TTF2: variants seen among roughly 807,000 people sequenced by gnomAD.
TTF2 encodes transcription termination factor 2.
Under a neutral mutation model 142.4 loss-of-function variants are expected in TTF2, and 108 were observed. That is an observed-to-expected ratio of 0.76 (90% CI 0.65 to 0.89). TTF2 has a LOEUF of 0.89. Ranked by LOEUF, TTF2 falls within the 40% of genes least tolerant of loss-of-function variation. The pLI, the probability that TTF2 is intolerant of heterozygous loss-of-function variation, is 0.00. For missense variants in TTF2, 1,327 were observed against 1,379.8 expected, an observed-to-expected ratio of 0.96 and a Z score of 0.61; for synonymous variants, 483 against 506.2, an observed-to-expected ratio of 0.95 and a Z score of 0.61.
Position 117,099,967 on chromosome 1 carries a change from C to G in TTF2, c.3344+1060C>G, listed in dbSNP as rs1328911136. ...ACTCCAGTAAGTCCAAAATTTGTAT[C>G]TTTAGTTCCAAGGTCTCCTAAACTT... is the stretch of plus-strand genomic sequence containing the variant. On this transcript the variant is annotated intron_variant, in intron 22 of 22. Coordinates refer to ENST00000369466, the MANE Select transcript of TTF2 (RefSeq NM_003594.4). The surrounding 1 kb of genome is among the most constrained non-coding windows in gnomAD (Gnocchi z 4.3). 2.6e-5 allele frequency among the ~76,000 whole-genome samples: 4 copies of G among 152,214 alleles called. No homozygotes were observed. Among genetic ancestry groups the G allele is most frequent in the Non-Finnish European group, 5.9e-5 (4 of 68,036 alleles).
At position 117,083,392 on chromosome 1, in the gene TTF2, A is replaced by G. The variant is rs541915536; in HGVS notation, c.1904-626A>G. On this transcript the variant is annotated intron_variant, in intron 10 of 22. Coordinates refer to ENST00000369466, the MANE Select transcript of TTF2 (RefSeq NM_003594.4). ...ACGCAGAGATGAGGGGCCATGGTAT[A>G]AACAAACCATCACTAATTGGTTCCA... Among the ~76,000 whole-genome samples the G allele has an allele frequency of 5.9e-5, 9 of 152,344 alleles. 1 individual carries two copies. The East Asian group carries it at 7.7e-4, about 13-fold the overall frequency.
chr1:117,068,149 T>C lies in TTF2; in HGVS notation c.219-5512T>C, dbSNP rs543905876. ...CTGAGCTCCTGAGTTCATATTTTCC[T>C]TTCTCTCTGTTTCTCACAGAACTTT... On this transcript the variant is annotated intron_variant, in intron 3 of 22. Transcript: ENST00000369466. Among the ~76,000 whole-genome samples the C allele has an allele frequency of 1.1e-3, 165 of 152,368 alleles. 1 individual carries two copies. The highest frequency in any genetic ancestry group is 2.0e-3 in the Non-Finnish European group (137 of 68,032).
chr1:117,060,646 C>A, intron 2 of TTF2, 89 bp downstream of exon 2: 2 of 1,343,476 alleles, frequency 1.5e-6, no homozygotes, highest in Non-Finnish European at 2.0e-6. Flanking sequence ...CGTCACAGGG[C>A]CGAGGAGTGG....
Position 117,076,801 on chromosome 1 carries a change from A to G in TTF2, c.1551A>G (p.Gly517=). ...AGTCTGCCTGCCAGGTGACTGCTGG[A>G]GGATCCAGTCAGTGCTATCGAGGTA... The part of the protein sequence containing the change: ...ELKSACQVTA[G]GSSQCYRGHT... The change falls in exon 7 of 23, where the codon GGA becomes GGG. Residue 517 remains glycine, a synonymous_variant. Transcript: ENST00000369466. The surrounding 1 kb of genome is among the most constrained non-coding windows in gnomAD (Gnocchi z 4.6). 6.2e-7 allele frequency: 1 copy of G among 1,613,624 alleles called. No homozygotes were observed. The highest frequency in any genetic ancestry group is 8.5e-7 in the Non-Finnish European group (1 of 1,179,774).
Position 117,086,293 on chromosome 1 carries a change from A to G in TTF2, c.2055-124A>G. On this transcript the variant is annotated intron_variant, in intron 11 of 22. Coordinates refer to ENST00000369466, the MANE Select transcript of TTF2 (RefSeq NM_003594.4). This position sits in a 1 kb window ranked among gnomAD's most constrained non-coding sequence, Gnocchi z 4.2. Reference sequence around the variant, plus strand: ...TGTGCGTGTGTGTGTTAAGGACACAAGTTAATGAGTTCTGCTGTTTGTCCT... The same window carrying G: ...TGTGCGTGTGTGTGTTAAGGACACAGGTTAATGAGTTCTGCTGTTTGTCCT... The G allele has an allele frequency of 1.5e-6, 1 of 649,858 alleles. No homozygotes were observed. Among genetic ancestry groups the G allele is most frequent in the Non-Finnish European group, 2.8e-6 (1 of 362,168 alleles). The allele number at this position is 649,858 out of a possible 1,614,324, so 40.3% of individuals were successfully genotyped here.
rs1648088832 is a variant in TTF2, at chr1:117,087,137, G to T, written c.2160+615G>T. Among the ~76,000 whole-genome samples the T allele has an allele frequency of 6.6e-6, 1 of 152,070 alleles. No homozygotes were observed. The highest frequency in any genetic ancestry group is 6.5e-5 in the Admixed American group (1 of 15,282). Reference sequence around the variant, plus strand: ...ATATGTTATCCTTTTAGCCCAACGGGATATTCACAGGTTTCTGTATTTGGA... The same window carrying T: ...ATATGTTATCCTTTTAGCCCAACGGTATATTCACAGGTTTCTGTATTTGGA... On this transcript the variant is annotated intron_variant, in intron 12 of 22. Coordinates refer to ENST00000369466, the MANE Select transcript of TTF2 (RefSeq NM_003594.4). The surrounding 1 kb of genome is among the most constrained non-coding windows in gnomAD (Gnocchi z 4.8).
rs927606015 is a variant in TTF2 at position 117,091,019 on chromosome 1, C to A, written c.2589-309C>A. Among the ~76,000 whole-genome samples, 3 of 152,324 alleles carry A rather than the reference C, an allele frequency of 2.0e-5. No individual in the cohort carries two copies. The East Asian group carries it at 5.8e-4, about 29-fold the overall frequency. On this transcript the variant is annotated intron_variant, in intron 15 of 22. Coordinates refer to ENST00000369466, the MANE Select transcript of TTF2 (RefSeq NM_003594.4). ...TCCTTTGTGTCATCTGTTCTTTGCA[C>A]TTTCTCTTGAACTCTTATCTTTCCC...
chr1:117,067,024 T>C (rs1382795111), intron 3 of TTF2, among the ~76,000 whole-genome samples: 2 of 152,108 alleles, frequency 1.3e-5, no homozygotes, highest in African/African-American at 4.8e-5. Context: ...TATTTTCATG[T>C]GAAACCAGCT....
Position 117,101,591 on chromosome 1 carries a change from C to T in TTF2, c.*67C>T. The stretch of plus-strand genomic sequence containing the variant: ...TGTATTAGGATCTGGGAATAACAAC[C>T]TAACCATGAGCCTTGAACTCTGTTC... On this transcript the variant is annotated 3_prime_UTR_variant, in exon 23 of 23. Transcript: ENST00000369466. The surrounding 1 kb of genome is among the most constrained non-coding windows in gnomAD (Gnocchi z 5.9). 6.9e-7 allele frequency: 1 copy of T among 1,447,438 alleles called. No individual in the cohort carries two copies. Among genetic ancestry groups the T allele is most frequent in the Non-Finnish European group, 9.1e-7 (1 of 1,097,328 alleles). 89.7% of individuals were successfully genotyped at this position (1,447,438 alleles called of 1,614,324 possible). A position where few individuals can be genotyped will look rare whatever the true frequency, so the allele number is the denominator to read the frequency against.
intron 3 of TTF2, among the ~76,000 whole-genome samples, chr1:117,067,707 C>T (rs969094125): frequency 1.3e-5 from 2 of 152,090 alleles, no homozygotes; most frequent in African/African-American, 4.8e-5. Context: ...CCTTAGTGAA[C>T]ATTAAGGGTG....
chr1:117,078,131 A>G, intron 8 of TTF2, 88 bp downstream of exon 8: 15 of 1,521,062 alleles, frequency 9.9e-6, no homozygotes, highest in Non-Finnish European at 1.2e-5. Context: ...TTTCTGAGAT[A>G]CCTTTCCTAC....
rs1657025710 is a variant in TTF2 at position 117,076,602 on chromosome 1, G to T, written c.1391-39G>T. On this transcript the variant is annotated intron_variant, in intron 6 of 22. Coordinates refer to ENST00000369466, the MANE Select transcript of TTF2 (RefSeq NM_003594.4). The surrounding 1 kb of genome is among the most constrained non-coding windows in gnomAD (Gnocchi z 4.6). Reference sequence around the variant, plus strand: ...CACATATGGTCCCTTCACTTAGTTTGCTGAACTTTAATCTGCTCTTCCCTT... The same window carrying T: ...CACATATGGTCCCTTCACTTAGTTTTCTGAACTTTAATCTGCTCTTCCCTT... 6.4e-7 allele frequency: 1 copy of T among 1,570,216 alleles called. No individual in the cohort carries two copies. The highest frequency in any genetic ancestry group is 1.3e-5 in the African/African-American group (1 of 74,184).
rs1195798220 is a variant in TTF2 at position 117,070,074 on chromosome 1, CCA to C, written c.219-3586_219-3585del. Among the ~76,000 whole-genome samples the C allele has an allele frequency of 2.0e-5, 3 of 152,204 alleles. No individual in the cohort carries two copies. In the East Asian group the frequency reaches 5.8e-4, roughly 29 times the overall value. ...TTATCCTAAAATCAGAAAAGCTCAT[CCA>C]GATTGATTTTAATTAAAAATGTAAG... On this transcript the variant is annotated intron_variant, in intron 3 of 22. Transcript: ENST00000369466. This position sits in a 1 kb window ranked among gnomAD's most constrained non-coding sequence, Gnocchi z 4.2.
At chr1:117,083,885 G>T in intron 10 of TTF2, 133 bp from the exon 11 acceptor site, 1 of 1,043,842 alleles carries the variant, frequency 9.6e-7, no homozygotes, top group Admixed American at 2.2e-5. Flanking sequence ...GCTAAGGCAG[G>T]AGGATCACTT....
In TTF2 at chr1:117,084,159, G is replaced by A. The variant is rs185283054; in HGVS notation, c.2045G>A (p.Arg682His). 2.5e-4 allele frequency: 406 copies of A among 1,614,176 alleles called. 1 individual carries two copies. In the Admixed American group the frequency reaches 6.2e-3, roughly 25 times the overall value. ...TACCATGGGCCAAACCGGGATTCAC[G>A]TGCCAGAGTGTAAGTGCAGGAATAC... Reference protein sequence around the residue: ...YLYHGPNRDSRARVLSTYDIV... With the variant: ...YLYHGPNRDSHARVLSTYDIV... The change falls in exon 11 of 23, where the codon CGT becomes CAT. Residue 682 changes from arginine (R) to histidine (H), a missense_variant. Coordinates refer to ENST00000369466, the MANE Select transcript of TTF2 (RefSeq NM_003594.4).
rs1306936861 is a variant in TTF2 at position 117,101,192 on chromosome 1, C to A, written c.3345-188C>A. Among the ~76,000 whole-genome samples the A allele has an allele frequency of 6.6e-6, 1 of 152,162 alleles. No homozygotes were observed. Among genetic ancestry groups the A allele is most frequent in the Admixed American group, 6.5e-5 (1 of 15,276 alleles). ...TTAAAATGCCAATGTGGGTCACATCCTTTTAAAGGGATATATATCTAGTCA... is the reference window on the plus strand; with the variant it reads ...TTAAAATGCCAATGTGGGTCACATCATTTTAAAGGGATATATATCTAGTCA... On this transcript the variant is annotated intron_variant, in intron 22 of 22. Coordinates refer to ENST00000369466, the MANE Select transcript of TTF2 (RefSeq NM_003594.4). This position sits in a 1 kb window ranked among gnomAD's most constrained non-coding sequence, Gnocchi z 5.9.
At position 117,092,973 on chromosome 1, in the gene TTF2, C is replaced by T. The variant is rs1648743517; in HGVS notation, c.2976+72C>T. 6.4e-7 allele frequency: 1 copy of T among 1,562,022 alleles called. No individual in the cohort carries two copies. Among genetic ancestry groups the T allele is most frequent in the Non-Finnish European group, 8.7e-7 (1 of 1,144,006 alleles). On this transcript the variant is annotated intron_variant, in intron 18 of 22. Transcript: ENST00000369466. The surrounding 1 kb of genome is among the most constrained non-coding windows in gnomAD (Gnocchi z 4.4). Reference sequence around the variant, plus strand: ...CACATTTTCCTGTGTGACAGCACTTCATTTGTCCAAGTGGGAACAGCCATT... The same window carrying T: ...CACATTTTCCTGTGTGACAGCACTTTATTTGTCCAAGTGGGAACAGCCATT...
At position 117,092,578 on chromosome 1, in the gene TTF2, T is replaced by C. The variant is rs1018245358; in HGVS notation, c.2806-153T>C. The stretch of plus-strand genomic sequence containing the variant: ...TAATGTGGTGAAAAAACTTGCAAGA[T>C]CACACTTTAATCAAGGTGTCTTGAG... On this transcript the variant is annotated intron_variant, in intron 17 of 22. Transcript: ENST00000369466. This position sits in a 1 kb window ranked among gnomAD's most constrained non-coding sequence, Gnocchi z 4.4. Among the ~76,000 whole-genome samples the C allele has an allele frequency of 9.2e-5, 14 of 152,236 alleles. No homozygotes were observed. Among genetic ancestry groups the C allele is most frequent in the African/African-American group, 3.4e-4 (14 of 41,470 alleles).
At position 117,080,845 on chromosome 1, in the gene TTF2, T is replaced by C. The variant is rs1209988539; in HGVS notation, c.1784-983T>C. Reference sequence around the variant, plus strand: ...CCTCCCAGTGGAGTCACATGGGATATGCTTAATTCTCCCAGCAGGGAGTTG... The same window carrying C: ...CCTCCCAGTGGAGTCACATGGGATACGCTTAATTCTCCCAGCAGGGAGTTG... On this transcript the variant is annotated intron_variant, in intron 9 of 22. Transcript: ENST00000369466. This position sits in a 1 kb window ranked among gnomAD's most constrained non-coding sequence, Gnocchi z 4.3. Among the ~76,000 whole-genome samples the C allele has an allele frequency of 6.6e-6, 1 of 152,178 alleles. No individual in the cohort carries two copies. Among genetic ancestry groups the C allele is most frequent in the Admixed American group, 6.5e-5 (1 of 15,284 alleles).
Sources: allele counts gnomAD v4.1 joint callset (sites outside exome capture counted in the v4.1 genomes callset), GRCh38; gene constraint gnomAD v4.1.1; non-coding constraint Gnocchi (gnomAD v3.1); transcripts MANE v1.5; gene names NCBI Gene and HGNC (gene_info 2026-07-23, HGNC 2026-07-21).